Variants in INSYN2B observed in about 807,000 individuals in gnomAD.
INSYN2B encodes inhibitory synaptic factor family member 2B, also known as protein INSYN2B.
Under a neutral mutation model 41.2 loss-of-function variants are expected in INSYN2B, and 16 were observed. The ratio of observed to expected loss-of-function variants is 0.39; its 90% CI spans 0.26 to 0.59. INSYN2B has a LOEUF of 0.59. INSYN2B is among the 20% of genes least tolerant of loss of function. The probability of loss-of-function intolerance (pLI) is 0.57; values close to 1 mark genes in which losing one functional copy is unlikely to be tolerated. For missense variants in INSYN2B, 608 were observed against 646.4 expected (o/e 0.94, Z 0.64); for synonymous variants, 245 against 244.4 (o/e 1.00, Z -0.02).
At chr5:169,938,679 A>T (rs1776097895) in intron 1 of INSYN2B, among the ~76,000 whole-genome samples, 1 of 152,190 alleles carries the variant, frequency 6.6e-6, no homozygotes, top group African/African-American at 2.4e-5. Flanking sequence ...ACTACTGTAG[A>T]CTATCAACAC....
chr5:169,918,817 G>A (rs1250765986), intron 1 of INSYN2B, among the ~76,000 whole-genome samples: 2 of 152,202 alleles, frequency 1.3e-5, no homozygotes, highest in African/African-American at 4.8e-5. Flanking sequence ...GGAGGCTGAG[G>A]CAGGAGGATT....
intron 1 of INSYN2B, among the ~76,000 whole-genome samples, chr5:169,899,832 T>G (rs1391785527): frequency 6.6e-6 from 1 of 152,248 alleles, no homozygotes; most frequent in Non-Finnish European, 1.5e-5. Context: ...TCTTACTTTC[T>G]TTACTCTCAG....
At chr5:169,954,567 C>G (rs1273376271) in intron 1 of INSYN2B, among the ~76,000 whole-genome samples, 2 of 152,182 alleles carry the variant, frequency 1.3e-5, no homozygotes, top group Non-Finnish European at 2.9e-5. Flanking sequence ...CAGAAGGGAC[C>G]CATAAGCTTA....
At chr5:169,925,578 TTAAAAA>T (rs1775400668) in intron 1 of INSYN2B, among the ~76,000 whole-genome samples, 2 of 32,324 alleles carry the variant, frequency 6.2e-5, no homozygotes, top group African/African-American at 1.3e-4. Flanking sequence ...AGACTCTGTC[TTAAAAA>T]AAAAAAAAAA....
chr5:169,917,249 A>G (rs937045231), intron 1 of INSYN2B, among the ~76,000 whole-genome samples: 2 of 152,224 alleles, frequency 1.3e-5, no homozygotes, highest in East Asian at 3.8e-4. Context: ...CAACCACATT[A>G]TAAACTCCTA....
At chr5:169,967,519 A>T (rs538401987) in intron 1 of INSYN2B, among the ~76,000 whole-genome samples, 1 of 152,280 alleles carries the variant, frequency 6.6e-6, no homozygotes, top group South Asian at 2.1e-4. Flanking sequence ...AGTGGAAGAA[A>T]TAAGGCTGAA....
rs141411968 is a variant in INSYN2B, at chr5:169,897,751, C to T, written c.-918-12935G>A. Among the ~76,000 whole-genome samples, 797 of 152,238 alleles carry T rather than the reference C, an allele frequency of 5.2e-3. 8 individuals carry two copies. Among genetic ancestry groups the T allele is most frequent in the African/African-American group, 0.016 (654 of 41,548 alleles). Reference sequence around the variant, plus strand: ...TGCAAGCATTTGTCTAGAAGGCCATCGTCAGGGCCACATGGGGAAGCTCTC... The same window carrying T: ...TGCAAGCATTTGTCTAGAAGGCCATTGTCAGGGCCACATGGGGAAGCTCTC... On this transcript the variant is annotated intron_variant, in intron 1 of 3. Coordinates refer to ENST00000377365, the MANE Select transcript of INSYN2B (RefSeq NM_001129891.3).
chr5:169,862,015 A>G lies in INSYN2B; in HGVS notation c.*2258T>C, dbSNP rs1771232050. Among the ~76,000 whole-genome samples the G allele has an allele frequency of 6.6e-6, 1 of 151,742 alleles. No homozygotes were observed. Among genetic ancestry groups the G allele is most frequent in the African/African-American group, 2.4e-5 (1 of 41,274 alleles). ...TTTTATTTAATTCAGTTAAGGGTTC[A>G]TGTGAGGGCCTCAACTGGAAACATA... is the stretch of plus-strand genomic sequence containing the variant. On this transcript the variant is annotated 3_prime_UTR_variant, in exon 4 of 4. Transcript: ENST00000377365.
chr5:169,943,424 A>T (rs987573001), intron 1 of INSYN2B, among the ~76,000 whole-genome samples: 2 of 152,096 alleles, frequency 1.3e-5, no homozygotes, highest in African/African-American at 4.8e-5. Flanking sequence ...CCAGACTTTT[A>T]AAAAATGTGA....
At chr5:169,890,150 G>T (rs1309907461) in intron 1 of INSYN2B, among the ~76,000 whole-genome samples, 1 of 152,212 alleles carries the variant, frequency 6.6e-6, no homozygotes, top group Non-Finnish European at 1.5e-5. Flanking sequence ...CAGCCTCGGG[G>T]CTCTGGTGGA....
intron 1 of INSYN2B, among the ~76,000 whole-genome samples, chr5:169,947,264 G>A (rs965374021): frequency 6.6e-5 from 10 of 152,198 alleles, no homozygotes; most frequent in African/African-American, 2.4e-4. Flanking sequence ...TCACTTGAAT[G>A]TATTAACAAA....
At chr5:169,891,002 T>C (rs1256159921) in intron 1 of INSYN2B, among the ~76,000 whole-genome samples, 5 of 152,180 alleles carry the variant, frequency 3.3e-5, no homozygotes, top group Non-Finnish European at 7.3e-5. Flanking sequence ...TCCAAACTAG[T>C]TCCATAACTT....
At chr5:169,866,941 A>C (rs1227292520) in intron 3 of INSYN2B, among the ~76,000 whole-genome samples, 2 of 152,180 alleles carry the variant, frequency 1.3e-5, no homozygotes, top group Admixed American at 1.3e-4. Flanking sequence ...ATCAGATTCC[A>C]TAGATTGGGG....
intron 1 of INSYN2B, among the ~76,000 whole-genome samples, chr5:169,923,290 T>C (rs747248741): frequency 2.0e-5 from 3 of 152,260 alleles, no homozygotes; most frequent in Non-Finnish European, 2.9e-5. Context: ...GAATGGTTTT[T>C]ACTTTTTTCT....
chr5:169,896,893 ATAAAGT>A (rs1450050883), intron 1 of INSYN2B, among the ~76,000 whole-genome samples: 2 of 152,344 alleles, frequency 1.3e-5, no homozygotes, highest in African/African-American at 4.8e-5. Context: ...GAGGTAAAAA[ATAAAGT>A]TAATAAAGAG....
rs780974743 is a variant in INSYN2B at position 169,883,177 on chromosome 5, G to T, written c.722C>A (p.Pro241Gln). The change falls in exon 2 of 4, where the codon CCA (proline) becomes CAA (glutamine). Residue 241 changes from proline to glutamine, a missense_variant. Physicochemically the swap from Pro to Gln is moderately conservative, Grantham distance 76 (BLOSUM62 -1). Transcript: ENST00000377365. ...TGGAGTCACCCTTCTCCCATCACCT[G>T]GACGTGTGTCATCCAAAGGGTGTAT... is the stretch of plus-strand genomic sequence containing the variant. ...NSIHPLDDTRPGDGRRVTPLD... is the reference protein window; with the variant it reads ...NSIHPLDDTRQGDGRRVTPLD... 12 of 1,551,632 alleles carry T rather than the reference G, an allele frequency of 7.7e-6. No homozygotes were observed. Among genetic ancestry groups the T allele is most frequent in the Middle Eastern group, 1.7e-4 (1 of 5,988 alleles).
chr5:169,908,556 A>G (rs1470031985), intron 1 of INSYN2B, among the ~76,000 whole-genome samples: 1 of 152,180 alleles, frequency 6.6e-6, no homozygotes, highest in Non-Finnish European at 1.5e-5. Context: ...TCCTTAAAGC[A>G]TATGGGTCCT....
intron 1 of INSYN2B, among the ~76,000 whole-genome samples, chr5:169,923,699 A>G (rs1401216480): frequency 6.6e-6 from 1 of 152,220 alleles, no homozygotes; most frequent in African/African-American, 2.4e-5. Flanking sequence ...CTGAATATGC[A>G]TGTATTTTAT....
intron 1 of INSYN2B, among the ~76,000 whole-genome samples, chr5:169,926,332 AC>A (rs1279717886): frequency 6.6e-6 from 1 of 152,150 alleles, no homozygotes; most frequent in Admixed American, 6.5e-5. Context: ...CACTGTTCTT[AC>A]TTTTGATGAA....
Sources: allele counts gnomAD v4.1 joint callset (sites outside exome capture counted in the v4.1 genomes callset), GRCh38; gene constraint gnomAD v4.1.1; transcripts MANE v1.5; gene names NCBI Gene and HGNC (gene_info 2026-07-23, HGNC 2026-07-21).